The following HSP90B1 variants were observed in gnomAD, a reference collection of about 807,000 sequenced individuals.
HSP90B1 encodes the protein heat shock protein 90 beta family member 1, also known as endoplasmin.
Under a neutral mutation model 100.4 loss-of-function variants are expected in HSP90B1, and 27 were observed. The observed-to-expected ratio is 0.27, with a 90% CI of 0.20 to 0.37. The LOEUF (loss-of-function observed/expected upper bound fraction) is 0.37, where lower values mean the gene tolerates loss of function less well. HSP90B1 is among the 10% of genes least tolerant of loss of function. HSP90B1 has a pLI of 1.00. For missense variants in HSP90B1, 678 were observed against 960.5 expected (o/e 0.71, Z 3.89); for synonymous variants, 304 against 330.8 (o/e 0.92, Z 0.88).
Position 103,943,244 on chromosome 12 carries a change from G to A in HSP90B1, c.1815G>A (p.Lys605=), listed in dbSNP as rs936734193. 1 of 1,614,054 alleles carries A rather than the reference G, an allele frequency of 6.2e-7. No homozygotes were observed. Among genetic ancestry groups the A allele is most frequent in the African/African-American group, 1.3e-5 (1 of 74,938 alleles). Residue 605 remains lysine (K), a synonymous_variant, in exon 13 of 18, where the codon AAG becomes AAA. Transcript: ENST00000299767. This position sits in a 1 kb window ranked among gnomAD's most constrained non-coding sequence, Gnocchi z 5.3. ...AGTTCGATGAAAGTGAGAAAACTAA[G>A]GAGAGTCGTGAAGCAGTTGAGAAAG... ...GVKFDESEKT[K]ESREAVEKEF... is the part of the protein sequence containing the mutation.
intron 16 of HSP90B1, 21 bp downstream of exon 16, chr12:103,946,962 C>T: frequency 1.9e-6 from 3 of 1,600,894 alleles, no homozygotes; most frequent in East Asian, 2.2e-5. Flanking sequence ...CCAACCTTCC[C>T]GCAAAGGCTG....
intron 14 of HSP90B1, 151 bp downstream of exon 14, chr12:103,944,025 TTC>T: frequency 3.2e-6 from 2 of 630,872 alleles, no homozygotes; most frequent in Non-Finnish European, 5.1e-6. Context: ...ACGAAGGGAT[TTC>T]TCCTACATTT....
chr12:103,937,562 T>G, intron 5 of HSP90B1, 133 bp from the exon 6 acceptor site: 1 of 630,016 alleles, frequency 1.6e-6, no homozygotes, highest in South Asian at 1.7e-5. Flanking sequence ...TTGTTGGTGA[T>G]GGAGAGTTAA....
At chr12:103,944,335 T>G (rs911199346) in intron 14 of HSP90B1, among the ~76,000 whole-genome samples, 3 of 152,164 alleles carry the variant, frequency 2.0e-5, no homozygotes, top group Non-Finnish European at 2.9e-5. Context: ...ACCTGTGAAT[T>G]AACAGTATTT....
At chr12:103,932,106 A>G in intron 2 of HSP90B1, 171 bp from the exon 3 acceptor site, 4 of 543,652 alleles carry the variant, frequency 7.4e-6, no homozygotes. Flanking sequence ...TGTTAAAGGT[A>G]GCCTACTGCT....
intron 7 of HSP90B1, 114 bp downstream of exon 7, chr12:103,938,573 T>C: frequency 8.6e-7 from 1 of 1,158,712 alleles, no homozygotes; most frequent in Non-Finnish European, 1.2e-6. Context: ...AGGTGCTAAG[T>C]CCATGGAGCC....
In HSP90B1 at chr12:103,943,845, G is replaced by A. The variant is rs138296639; in HGVS notation, c.1998G>A (p.Ala666=). The change falls in exon 14 of 18, where the codon GCG becomes GCA. Residue 666 remains alanine (A), a synonymous_variant. Transcript: ENST00000299767. This position sits in a 1 kb window ranked among gnomAD's most constrained non-coding sequence, Gnocchi z 5.3. The part of the protein sequence containing the change: ...GNMERIMKAQ[A]YQTGKDISTN... ...TGGAGAGAATCATGAAAGCACAAGC[G>A]TACCAAACGGGCAAGGACATCTCTA... The A allele has an allele frequency of 2.5e-4, 398 of 1,613,888 alleles. No individual in the cohort carries two copies. The African/African-American group carries it at 4.3e-3, about 17-fold the overall frequency.
At position 103,947,347 on chromosome 12, in the gene HSP90B1, GCAGAAGACACAA is replaced by G. The variant is rs549915078; in HGVS notation, c.2311_2322del (p.Thr771_Thr774del). 9.5e-5 allele frequency: 152 copies of G among 1,604,776 alleles called. No individual in the cohort carries two copies. Among genetic ancestry groups the G allele is most frequent in the South Asian group, 4.7e-4 (43 of 90,556 alleles). ...GCCCGAAGAAGAACCTGAAGAGACA[GCAGAAGACACAA>G]CAGAAGACACAGAGCAAGACGAAGA... On this transcript the variant is annotated inframe_deletion, in exon 17 of 18. Coordinates refer to ENST00000299767, the MANE Select transcript of HSP90B1 (RefSeq NM_003299.3).
rs1869838936 is a variant in HSP90B1 at position 103,934,124 on chromosome 12, C to T, written c.580C>T (p.Gln194Ter). 1 of 1,614,050 alleles carries T rather than the reference C, an allele frequency of 6.2e-7. No individual in the cohort carries two copies. The highest frequency in any genetic ancestry group is 1.7e-5 in the Admixed American group (1 of 60,002). ...CCAGTCAACTTCTGAATTGATTGGC[C>T]AGTTTGGTGTCGGTTTCTATTCCGC... ...DGQSTSELIG[Q>*]FGVGFYSAFL... Residue 194 changes from glutamine to a stop codon, truncating the protein, a stop_gained, in exon 5 of 18, where the codon CAG (glutamine) becomes TAG (stop). Coordinates refer to ENST00000299767, the MANE Select transcript of HSP90B1 (RefSeq NM_003299.3). LOFTEE classifies it high-confidence loss of function.
chr12:103,932,959 TTTTC>T lies in HSP90B1; in HGVS notation c.411+25_411+28del, dbSNP rs759053026. 2.5e-6 allele frequency: 3 copies of T among 1,212,990 alleles called. No individual in the cohort carries two copies. The highest frequency in any genetic ancestry group is 1.7e-5 in the Admixed American group (1 of 58,720). 75.1% of individuals were successfully genotyped at this position (1,212,990 alleles called of 1,614,324 possible). A position where few individuals can be genotyped will look rare whatever the true frequency, so the allele number is the denominator to read the frequency against. ...AAAATTAAGGTAAGTGTAAGGCAGT[TTTTC>T]TTTCTTTTAAAGGAAAAGGAATCCT... On this transcript the variant is annotated intron_variant, in intron 4 of 17. Coordinates refer to ENST00000299767, the MANE Select transcript of HSP90B1 (RefSeq NM_003299.3).
chr12:103,947,616 T>C lies in HSP90B1; in HGVS notation c.2383-17T>C. 6.3e-7 allele frequency: 1 copy of C among 1,574,998 alleles called. No homozygotes were observed. Among genetic ancestry groups the C allele is most frequent in the Middle Eastern group, 1.7e-4 (1 of 5,886 alleles). ...CTAACTTTTAATACCTTCTGGGTTT[T>C]TTTTATTTATTTACAGGAATCTACA... On this transcript the variant is annotated splice_polypyrimidine_tract_variant and intron_variant, in intron 17 of 17. Coordinates refer to ENST00000299767, the MANE Select transcript of HSP90B1 (RefSeq NM_003299.3).
chr12:103,944,863 A>C (rs144741304), intron 14 of HSP90B1, among the ~76,000 whole-genome samples: 1,972 of 152,310 alleles, frequency 0.013, 24 homozygotes, highest in Non-Finnish European at 0.02. Context: ...CAGGATTATT[A>C]TTCTTAAAGC....
In HSP90B1 at chr12:103,942,584, G is replaced by A. The variant is rs772079656; in HGVS notation, c.1432G>A (p.Asp478Asn). The A allele has an allele frequency of 2.5e-6, 4 of 1,613,952 alleles. No homozygotes were observed. Among genetic ancestry groups the A allele is most frequent in the Admixed American group, 3.3e-5 (2 of 60,032 alleles). Residue 478 changes from aspartate (D) to asparagine (N), a missense_variant, in exon 12 of 18, where the codon GAT (aspartate) becomes AAT (asparagine). Transcript: ENST00000299767. Reference protein sequence around the residue: ...TLDMIKKIADDKYNDTFWKEF... With the variant: ...TLDMIKKIADNKYNDTFWKEF... ...GGACATGATCAAGAAGATTGCTGAT[G>A]ATAAATACAATGATACTTTTTGGAA...
rs1290561832 is a variant in HSP90B1, at chr12:103,932,608, C to T, written c.294+190C>T. On this transcript the variant is annotated intron_variant, in intron 3 of 17. Transcript: ENST00000299767. Reference sequence around the variant, plus strand: ...GGGAGTGTCAGACATTTTCCTTTTCCTTTACCTCTAAATAGGTTCACGGCC... The same window carrying T: ...GGGAGTGTCAGACATTTTCCTTTTCTTTTACCTCTAAATAGGTTCACGGCC... Among the ~76,000 whole-genome samples, 4 of 152,174 alleles carry T rather than the reference C, an allele frequency of 2.6e-5. No homozygotes were observed. In the East Asian group the frequency reaches 7.7e-4, roughly 29 times the overall value.
At position 103,947,336 on chromosome 12, in the gene HSP90B1, C is replaced by G. The variant is rs376271632; in HGVS notation, c.2288C>G (p.Pro763Arg). 8.0e-5 allele frequency: 129 copies of G among 1,603,326 alleles called. No individual in the cohort carries two copies. Among genetic ancestry groups the G allele is most frequent in the Non-Finnish European group, 7.0e-5 (82 of 1,174,100 alleles). ...AKVEEEPEEE[P>R]EETAEDTTED... ...GTGGAAGAAGAGCCCGAAGAAGAACCTGAAGAGACAGCAGAAGACACAACA... is the reference window on the plus strand; with the variant it reads ...GTGGAAGAAGAGCCCGAAGAAGAACGTGAAGAGACAGCAGAAGACACAACA... Residue 763 changes from proline (P) to arginine (R), a missense_variant, in exon 17 of 18, where the codon CCT becomes CGT. Pro to Arg is a moderately radical substitution (Grantham distance 103, BLOSUM62 -2). This residue lies in a region of HSP90B1 where 65 missense variants were observed against 65.1 expected (regional missense o/e 1.00). Coordinates refer to ENST00000299767, the MANE Select transcript of HSP90B1 (RefSeq NM_003299.3).
chr12:103,947,606 T>C, intron 17 of HSP90B1, 27 bp from the exon 18 acceptor site: 2 of 1,568,582 alleles, frequency 1.3e-6, no homozygotes, highest in South Asian at 1.2e-5. Flanking sequence ...TTTTAATACC[T>C]TCTGGGTTTT....
Position 103,930,472 on chromosome 12 carries a change from G to T in HSP90B1, c.-44G>T. The T allele has an allele frequency of 6.4e-7, 1 of 1,568,510 alleles. No homozygotes were observed. Among genetic ancestry groups the T allele is most frequent in the Admixed American group, 1.8e-5 (1 of 55,132 alleles). On this transcript the variant is annotated 5_prime_UTR_variant, in exon 1 of 18. Coordinates refer to ENST00000299767, the MANE Select transcript of HSP90B1 (RefSeq NM_003299.3). This position sits in a 1 kb window ranked among gnomAD's most constrained non-coding sequence, Gnocchi z 4.4. ...AACCCAGGGGTGGGGGGTGGAGGCG[G>T]CTCCTGCGATCGAAGGGGACTTGAG...
chr12:103,931,447 C>T, intron 1 of HSP90B1, 74 bp from the exon 2 acceptor site: 2 of 1,189,190 alleles, frequency 1.7e-6, no homozygotes, highest in Non-Finnish European at 2.5e-6. Context: ...TTTTGCAACC[C>T]CTACCCTTCC....
chr12:103,946,448 G>GAA (rs63456460), intron 14 of HSP90B1, among the ~76,000 whole-genome samples, 170 bp from the exon 15 acceptor site: 1 of 150,820 alleles, frequency 6.6e-6, no homozygotes, highest in Admixed American at 6.6e-5. Context: ...GTATTTATTG[G>GAA]AAAAAAAATA....
Sources: gnomAD v4.1 joint callset for allele counts (sites outside exome capture counted in the v4.1 genomes callset) on GRCh38, gnomAD v4.1.1 for gene constraint, gnomAD v4.1.1 regional missense constraint, Gnocchi (gnomAD v3.1) non-coding constraint, MANE v1.5 for transcripts, NCBI Gene and HGNC (gene_info 2026-07-23, HGNC 2026-07-21) for gene names.